SH3PXD2A: variants seen among roughly 807,000 people sequenced by gnomAD.
The protein encoded by SH3PXD2A is SH3 and PX domain-containing protein 2A.
In SH3PXD2A, 32 loss-of-function variants were observed where a neutral mutation model predicts 115.2. The observed-to-expected ratio is 0.28, with a 90% CI of 0.21 to 0.37. The LOEUF (loss-of-function observed/expected upper bound fraction) is 0.37, where lower values mean the gene tolerates loss of function less well. Among genes scored for constraint, SH3PXD2A ranks in the 10% least tolerant of loss-of-function variants. SH3PXD2A has a pLI of 1.00. For synonymous variants in SH3PXD2A, 610 were observed against 629.1 expected (o/e 0.97, Z 0.45); for missense variants, 1,328 against 1,498.7 (o/e 0.89, Z 1.88).
chr10:103,749,662 C>T (rs1447923471), intron 3 of SH3PXD2A: 1 of 152,234 alleles, frequency 6.6e-6, no homozygotes, highest in Non-Finnish European at 1.5e-5. Context: ...GCCTCGTGGT[C>T]CCCTCCCATA....
intron 2 of SH3PXD2A, among the ~76,000 whole-genome samples, chr10:103,769,187 C>CGT (rs2038792613): frequency 1.4e-5 from 2 of 147,324 alleles, no homozygotes; most frequent in Admixed American, 6.7e-5. Flanking sequence ...TGTGTGCGCG[C>CGT]GCGCGCGCAT....
At chr10:103,699,540 C>T (rs1011033868) in intron 5 of SH3PXD2A, among the ~76,000 whole-genome samples, 2 of 152,192 alleles carry the variant, frequency 1.3e-5, no homozygotes, top group Non-Finnish European at 2.9e-5. Flanking sequence ...CTTCCAGAAA[C>T]CAAGTGAGGA....
chr10:103,732,356 C>G, intron 4 of SH3PXD2A, among the ~76,000 whole-genome samples: 1 of 152,150 alleles, frequency 6.6e-6, no homozygotes, highest in Admixed American at 6.5e-5. Context: ...ACCACGTTTC[C>G]GTTTAAATTA....
chr10:103,802,355 C>T (rs1022939349), intron 1 of SH3PXD2A, among the ~76,000 whole-genome samples: 2 of 152,170 alleles, frequency 1.3e-5, no homozygotes, highest in Admixed American at 6.5e-5. Flanking sequence ...GAAGAAGAGG[C>T]GTTAGCACGT....
intron 1 of SH3PXD2A, among the ~76,000 whole-genome samples, chr10:103,836,266 T>C (rs183827556): frequency 1.3e-5 from 2 of 152,250 alleles, no homozygotes; most frequent in Admixed American, 1.3e-4. Flanking sequence ...CTCTCAAGGA[T>C]AAAAGATTGC....
At chr10:103,749,068 T>C (rs956705475) in intron 3 of SH3PXD2A, among the ~76,000 whole-genome samples, 1 of 152,138 alleles carries the variant, frequency 6.6e-6, no homozygotes, top group Non-Finnish European at 1.5e-5. Context: ...TTTTTGTATT[T>C]TTAGTAGAGA....
intron 7 of SH3PXD2A, 74 bp from the exon 8 acceptor site, chr10:103,661,188 C>G: frequency 6.5e-7 from 1 of 1,538,002 alleles, no homozygotes; most frequent in Non-Finnish European, 8.8e-7. Context: ...CCCTGTCCAT[C>G]GGCCTCCTCG....
intron 1 of SH3PXD2A, among the ~76,000 whole-genome samples, chr10:103,835,868 C>G (rs2039534438): frequency 6.6e-6 from 1 of 152,202 alleles, no homozygotes. Flanking sequence ...AATCACGTTT[C>G]TAGAGCAAGT....
At chr10:103,659,395 C>T (rs2037258698) in intron 8 of SH3PXD2A, among the ~76,000 whole-genome samples, 1 of 152,224 alleles carries the variant, frequency 6.6e-6, no homozygotes, top group African/African-American at 2.4e-5. Context: ...GAACCAACCA[C>T]CTTTCCTGAT....
At chr10:103,740,332 C>G (rs980885884) in intron 3 of SH3PXD2A, among the ~76,000 whole-genome samples, 2 of 152,152 alleles carry the variant, frequency 1.3e-5, no homozygotes, top group African/African-American at 4.8e-5. Flanking sequence ...ATGATCTTTG[C>G]ACTTGGATCA....
At chr10:103,678,171 A>G (rs1403362922) in intron 6 of SH3PXD2A, 1 of 1,288,618 alleles carries the variant, frequency 7.8e-7, no homozygotes, top group East Asian at 5.5e-5. Flanking sequence ...GTCTGGGGGG[A>G]GCAGGGCTTG....
At chr10:103,826,005 G>A (rs559477302) in intron 1 of SH3PXD2A, among the ~76,000 whole-genome samples, 1 of 151,980 alleles carries the variant, frequency 6.6e-6, no homozygotes, top group African/African-American at 2.4e-5. Flanking sequence ...CCTCGTGATC[G>A]GCCCACCTCG....
At chr10:103,692,926 C>G (rs542165641) in intron 6 of SH3PXD2A, 102 bp downstream of exon 6, 9 of 848,402 alleles carry the variant, frequency 1.1e-5, no homozygotes, top group South Asian at 4.8e-5. Context: ...GCAAGGACAA[C>G]CCCCCCCTCC....
At chr10:103,687,865 G>A (rs1327492205) in intron 6 of SH3PXD2A, among the ~76,000 whole-genome samples, 2 of 151,980 alleles carry the variant, frequency 1.3e-5, no homozygotes, top group Non-Finnish European at 2.9e-5. Context: ...CCAGCCACAG[G>A]CCTCCCTACT....
intron 3 of SH3PXD2A, among the ~76,000 whole-genome samples, chr10:103,747,389 G>A (rs1443050201): frequency 6.6e-6 from 1 of 152,150 alleles, no homozygotes; most frequent in Non-Finnish European, 1.5e-5. Flanking sequence ...GTGGGAGCCG[G>A]GAATAAAGGG....
intron 6 of SH3PXD2A, among the ~76,000 whole-genome samples, chr10:103,669,961 T>C (rs1036792778): frequency 4.6e-5 from 7 of 152,246 alleles, no homozygotes; most frequent in Non-Finnish European, 8.8e-5. Flanking sequence ...CCCCTCCATT[T>C]TGCAGATGAA....
chr10:103,617,352 CG>C lies in SH3PXD2A; in HGVS notation c.803-39del, dbSNP rs751977953. On this transcript the variant is annotated intron_variant, in intron 10 of 14. Transcript: ENST00000369774. Reference sequence around the variant, plus strand: ...GCAAGCAAGCAAGATTATTTGAGGTCGGGGTGCAGGTCCTGCTTCCTGTCCC... The same window carrying C: ...GCAAGCAAGCAAGATTATTTGAGGTCGGGTGCAGGTCCTGCTTCCTGTCCC... 11 of 1,458,792 alleles carry C rather than the reference CG, an allele frequency of 7.5e-6. No individual in the cohort carries two copies. In the African/African-American group the frequency reaches 1.4e-4, roughly 18 times the overall value. The allele number at this position is 1,458,792 out of a possible 1,614,324, so 90.4% of individuals were successfully genotyped here. A position where few individuals can be genotyped will look rare whatever the true frequency, so the allele number is the denominator to read the frequency against.
chr10:103,812,218 A>T (rs1302223091), intron 1 of SH3PXD2A, among the ~76,000 whole-genome samples: 1 of 152,182 alleles, frequency 6.6e-6, no homozygotes, highest in Non-Finnish European at 1.5e-5. Context: ...AACAAGTCTG[A>T]TCACCTCGAG....
intron 1 of SH3PXD2A, among the ~76,000 whole-genome samples, chr10:103,821,123 T>G (rs1287187651): frequency 6.6e-6 from 1 of 151,312 alleles, no homozygotes; most frequent in Non-Finnish European, 1.5e-5. Flanking sequence ...AGAAAACATT[T>G]AATGTATGGT....
Sources: gnomAD v4.1 joint callset for allele counts (sites outside exome capture counted in the v4.1 genomes callset) on GRCh38, gnomAD v4.1.1 for gene constraint, MANE v1.5 for transcripts, NCBI Gene and HGNC (gene_info 2026-07-23, HGNC 2026-07-21) for gene names.